Variants in MALRD1 observed in about 807,000 individuals in gnomAD.
MALRD1 encodes MAM and LDL receptor class A domain containing 1.
A neutral mutation model predicts 242.1 loss-of-function variants in MALRD1; 247 were observed. The ratio of observed to expected loss-of-function variants is 1.02; its 90% confidence interval spans 0.92 to 1.13. MALRD1 has a LOEUF of 1.13. Ranked by LOEUF, MALRD1 falls within the 50% of genes most tolerant of loss-of-function variation. The pLI, the probability that MALRD1 is intolerant of heterozygous loss-of-function variation, is 0.00. For synonymous variants in MALRD1, 995 were observed against 866.6 expected, an observed-to-expected ratio of 1.15 and a Z score of -2.60; for missense variants, 2,989 against 2,533.1, an observed-to-expected ratio of 1.18 and a Z score of -3.86.
At chr10:19,601,243 T>C (rs1838327559) in intron 34 of MALRD1, among the ~76,000 whole-genome samples, 2 of 152,216 alleles carry the variant, frequency 1.3e-5, no homozygotes, top group South Asian at 4.1e-4. Flanking sequence ...AAAAAATAGA[T>C]ATTATTCATG....
intron 18 of MALRD1, 36 bp downstream of exon 18, chr10:19,209,716 T>C: frequency 6.8e-7 from 1 of 1,468,674 alleles, no homozygotes; most frequent in Middle Eastern, 1.8e-4. Flanking sequence ...ACATTTGAAA[T>C]GCATCTGAAT....
intron 38 of MALRD1, 62 bp from the exon 39 acceptor site, chr10:19,730,644 T>G (rs895612743): frequency 6.8e-7 from 1 of 1,477,870 alleles, no homozygotes; most frequent in Admixed American, 2.0e-5. Flanking sequence ...AACAATAACC[T>G]GAAAATGTAC....
At chr10:19,415,484 G>T (rs918457899) in intron 28 of MALRD1, among the ~76,000 whole-genome samples, 1 of 151,884 alleles carries the variant, frequency 6.6e-6, no homozygotes, top group East Asian at 1.9e-4. Context: ...CTAGCTTAAG[G>T]CTAATTAAGT....
intron 32 of MALRD1, among the ~76,000 whole-genome samples, chr10:19,538,397 A>G (rs1203285699): frequency 6.6e-6 from 1 of 152,204 alleles, no homozygotes; most frequent in Non-Finnish European, 1.5e-5. Flanking sequence ...TAGTAATGCC[A>G]AACCAGAAGA....
intron 32 of MALRD1, among the ~76,000 whole-genome samples, chr10:19,563,835 A>C (rs1836124526): frequency 6.6e-6 from 1 of 152,176 alleles, no homozygotes; most frequent in Non-Finnish European, 1.5e-5. Flanking sequence ...TGTAATTCCC[A>C]ATGTTGGAGG....
At chr10:19,514,393 A>C (rs1477872781) in intron 31 of MALRD1, among the ~76,000 whole-genome samples, 2 of 152,158 alleles carry the variant, frequency 1.3e-5, no homozygotes, top group Non-Finnish European at 2.9e-5. Context: ...AGATAAGCCT[A>C]ATTAGTTTTA....
chr10:19,293,344 C>T (rs1305044856), intron 21 of MALRD1, among the ~76,000 whole-genome samples: 1 of 152,132 alleles, frequency 6.6e-6, no homozygotes, highest in African/African-American at 2.4e-5. Flanking sequence ...TGTTTTGATA[C>T]TTGTTGTCAA....
intron 7 of MALRD1, among the ~76,000 whole-genome samples, chr10:19,125,309 C>T (rs1266632049): frequency 1.5e-3 from 89 of 58,574 alleles, no homozygotes; most frequent in Middle Eastern, 8.8e-3. Context: ...TTCCTTCCTT[C>T]CTTCCTTCCT....
chr10:19,686,982 C>A (rs1024890829), intron 36 of MALRD1, among the ~76,000 whole-genome samples: 1 of 151,028 alleles, frequency 6.6e-6, no homozygotes, highest in African/African-American at 2.4e-5. Context: ...ATGCTTTTTA[C>A]TTGTGAGTGC....
intron 36 of MALRD1, among the ~76,000 whole-genome samples, chr10:19,650,762 T>G (rs1840842180): frequency 6.6e-6 from 1 of 152,170 alleles, no homozygotes; most frequent in South Asian, 2.1e-4. Flanking sequence ...GTCTTAACAT[T>G]CCAGATTTCC....
At chr10:19,114,375 G>A (rs1030654909) in intron 5 of MALRD1, among the ~76,000 whole-genome samples, 12 of 152,134 alleles carry the variant, frequency 7.9e-5, no homozygotes, top group African/African-American at 2.9e-4. Context: ...AGTCTTTTTG[G>A]TTTATAGAAA....
intron 18 of MALRD1, among the ~76,000 whole-genome samples, chr10:19,214,550 T>A (rs771062012): frequency 5.9e-5 from 9 of 152,200 alleles, no homozygotes; most frequent in Non-Finnish European, 1.2e-4. Flanking sequence ...AATGAGACTC[T>A]CTGCTTATTT....
rs560777709 is a variant in MALRD1, at chr10:19,185,003, A to T, written c.1951+9675A>T. 6.1e-4 allele frequency among the ~76,000 whole-genome samples: 93 copies of T among 152,346 alleles called. 2 individuals are homozygous for T. The South Asian group carries it at 0.014, about 23-fold the overall frequency. On this transcript the variant is annotated intron_variant, in intron 14 of 39. Transcript: ENST00000454679. ...ACTTTCACTTTTCATGATTATGCAAATACTATTTATAAGTTCCTATTTTTG... is the reference window on the plus strand; with the variant it reads ...ACTTTCACTTTTCATGATTATGCAATTACTATTTATAAGTTCCTATTTTTG...
chr10:19,356,336 C>T (rs1844638175), intron 26 of MALRD1, among the ~76,000 whole-genome samples: 1 of 151,974 alleles, frequency 6.6e-6, no homozygotes. Context: ...AATGAAAAGC[C>T]AGCATGTTTC....
At chr10:19,144,454 T>A (rs1326408432) in intron 10 of MALRD1, among the ~76,000 whole-genome samples, 1 of 152,254 alleles carries the variant, frequency 6.6e-6, no homozygotes, top group Non-Finnish European at 1.5e-5. Flanking sequence ...GTCATTTGCA[T>A]ACCGCACTTC....
intron 32 of MALRD1, among the ~76,000 whole-genome samples, chr10:19,551,587 C>T (rs1405408835): frequency 2.0e-5 from 3 of 152,044 alleles, no homozygotes; most frequent in Non-Finnish European, 2.9e-5. Flanking sequence ...TTTTTGGAAG[C>T]CCTTTATTTC....
At chr10:19,182,778 T>C (rs1835566823) in intron 14 of MALRD1, among the ~76,000 whole-genome samples, 2 of 152,130 alleles carry the variant, frequency 1.3e-5, no homozygotes, top group African/African-American at 4.8e-5. Context: ...TGATCAAAAC[T>C]TCACTTTTGG....
chr10:19,276,613 A>C (rs768843052), intron 19 of MALRD1, among the ~76,000 whole-genome samples: 4 of 152,178 alleles, frequency 2.6e-5, no homozygotes, highest in Non-Finnish European at 4.4e-5. Flanking sequence ...TCTGTCCTTC[A>C]AGATCTTCAA....
intron 27 of MALRD1, chr10:19,389,039 T>C (rs1846217787): frequency 3.1e-6 from 1 of 320,456 alleles, no homozygotes; most frequent in African/African-American, 2.2e-5. Flanking sequence ...ACTAAATTTC[T>C]TAGTGTTATA....
Sources: allele counts gnomAD v4.1 joint callset (sites outside exome capture counted in the v4.1 genomes callset), GRCh38; gene constraint gnomAD v4.1.1; transcripts MANE v1.5; gene names NCBI Gene and HGNC (gene_info 2026-07-23, HGNC 2026-07-21).